The following NPAS3 variants were observed in gnomAD, a reference collection of about 807,000 sequenced individuals.
NPAS3 encodes neuronal PAS domain-containing protein 3.
NPAS3 carries 14 observed loss-of-function variants against 73.1 expected under a neutral mutation model. That is an observed-to-expected ratio of 0.19 (90% CI 0.13 to 0.30). The LOEUF (loss-of-function observed/expected upper bound fraction) is 0.30. Among genes scored for constraint, NPAS3 ranks in the 10% least tolerant of loss-of-function variants. The pLI is 1.00. For missense variants in NPAS3, 1,096 were observed against 1,250.0 expected, an observed-to-expected ratio of 0.88 and a Z score of 1.86; for synonymous variants, 620 against 541.5, an observed-to-expected ratio of 1.14 and a Z score of -2.01.
chr14:33,331,353 G>T (rs2043976192), intron 3 of NPAS3, among the ~76,000 whole-genome samples: 1 of 152,042 alleles, frequency 6.6e-6, no homozygotes, highest in African/African-American at 2.4e-5. Flanking sequence ...AGAATTTTTT[G>T]TGTGGAAGAT....
intron 5 of NPAS3, among the ~76,000 whole-genome samples, chr14:33,615,153 T>A: frequency 6.6e-6 from 1 of 151,996 alleles, no homozygotes. Context: ...GCCCGCGGAT[T>A]AGGTTTGAGT....
At chr14:33,260,078 C>T (rs945414670) in intron 3 of NPAS3, among the ~76,000 whole-genome samples, 1 of 152,096 alleles carries the variant, frequency 6.6e-6, no homozygotes, top group Non-Finnish European at 1.5e-5. Context: ...AACTTCATAG[C>T]GTGACCATCT....
intron 6 of NPAS3, among the ~76,000 whole-genome samples, chr14:33,684,246 G>GTCTC (rs1044225122): frequency 1.3e-5 from 2 of 149,224 alleles, no homozygotes; most frequent in African/African-American, 2.5e-5. Context: ...TTTTAACATA[G>GTCTC]TCTCTTACTT....
At chr14:33,672,463 C>T (rs1246110267) in intron 5 of NPAS3, among the ~76,000 whole-genome samples, 1 of 152,012 alleles carries the variant, frequency 6.6e-6, no homozygotes, top group African/African-American at 2.4e-5. Flanking sequence ...TAGACTAGTC[C>T]TAGCTCTCAG....
intron 5 of NPAS3, among the ~76,000 whole-genome samples, chr14:33,604,118 C>A (rs1281131108): frequency 6.6e-6 from 1 of 151,622 alleles, no homozygotes; most frequent in African/African-American, 2.4e-5. Flanking sequence ...AGAGAAGTAA[C>A]CAATAGAAAA....
intron 3 of NPAS3, among the ~76,000 whole-genome samples, chr14:33,328,080 G>A (rs1055337385): frequency 4.6e-5 from 7 of 152,122 alleles, no homozygotes; most frequent in African/African-American, 1.7e-4. Context: ...CATGATGGAT[G>A]TATTTGAAAA....
intron 6 of NPAS3, among the ~76,000 whole-genome samples, chr14:33,728,292 T>A (rs2061322309): frequency 6.6e-6 from 1 of 152,138 alleles, no homozygotes. Context: ...CAGACTATTA[T>A]TTTCATATTT....
intron 2 of NPAS3, among the ~76,000 whole-genome samples, chr14:33,203,670 G>A (rs921511899): frequency 6.6e-6 from 1 of 152,144 alleles, no homozygotes; most frequent in African/African-American, 2.4e-5. Context: ...TTTTATGGCT[G>A]CACAGTATTC....
At chr14:33,146,393 G>A (rs2044237767) in intron 2 of NPAS3, among the ~76,000 whole-genome samples, 1 of 152,162 alleles carries the variant, frequency 6.6e-6, no homozygotes, top group Non-Finnish European at 1.5e-5. Flanking sequence ...CCCATCTTGA[G>A]GAAACTCTTG....
intron 3 of NPAS3, among the ~76,000 whole-genome samples, chr14:33,261,758 T>C (rs1262888374): frequency 6.6e-6 from 1 of 152,092 alleles, no homozygotes; most frequent in African/African-American, 2.4e-5. Context: ...AGAAGTTAGG[T>C]AGTTTTATTT....
At chr14:33,405,385 T>C (rs549307650) in intron 4 of NPAS3, among the ~76,000 whole-genome samples, 55 of 152,190 alleles carry the variant, frequency 3.6e-4, no homozygotes, top group African/African-American at 1.3e-3. Flanking sequence ...TCCTTTCACC[T>C]CAGAAGTAAT....
At chr14:33,185,961 T>C (rs1001826510) in intron 2 of NPAS3, among the ~76,000 whole-genome samples, 22 of 152,286 alleles carry the variant, frequency 1.4e-4, no homozygotes, top group African/African-American at 5.3e-4. Context: ...GTTTATCATA[T>C]ACCACAAGGG....
intron 5 of NPAS3, among the ~76,000 whole-genome samples, chr14:33,580,353 G>A (rs574945975): frequency 6.6e-6 from 1 of 152,272 alleles, no homozygotes; most frequent in South Asian, 2.1e-4. Context: ...AAAAATCATT[G>A]TTTGCTATGA....
chr14:33,474,819 T>A (rs775825686), intron 4 of NPAS3, among the ~76,000 whole-genome samples: 1 of 152,162 alleles, frequency 6.6e-6, no homozygotes, highest in Non-Finnish European at 1.5e-5. Flanking sequence ...AATAATAAAA[T>A]AAAAATAAAT....
chr14:33,616,652 C>T (rs970980958), intron 5 of NPAS3, among the ~76,000 whole-genome samples: 5 of 152,138 alleles, frequency 3.3e-5, no homozygotes, highest in African/African-American at 9.7e-5. Context: ...ACTCTCAGCG[C>T]AGAGGGGCTG....
intron 5 of NPAS3, among the ~76,000 whole-genome samples, chr14:33,614,753 A>T (rs1164278162): frequency 6.6e-6 from 1 of 152,208 alleles, no homozygotes; most frequent in Non-Finnish European, 1.5e-5. Context: ...GAAGGAACAG[A>T]GGCTTTTCAA....
intron 2 of NPAS3, among the ~76,000 whole-genome samples, chr14:33,084,120 A>G (rs2041947811): frequency 6.6e-6 from 1 of 152,220 alleles, no homozygotes; most frequent in Non-Finnish European, 1.5e-5. Context: ...ACATCACCCA[A>G]AATAAAAATA....
chr14:33,474,683 G>A (rs1189616629), intron 4 of NPAS3, among the ~76,000 whole-genome samples: 1 of 152,090 alleles, frequency 6.6e-6, no homozygotes, highest in Non-Finnish European at 1.5e-5. Flanking sequence ...AAAGAGAAGG[G>A]TATAAATTTG....
intron 1 of NPAS3, among the ~76,000 whole-genome samples, chr14:32,942,500 A>G (rs1315766950): frequency 6.6e-6 from 1 of 152,256 alleles, no homozygotes; most frequent in East Asian, 1.9e-4. Context: ...AACCTTGTGT[A>G]CATAAACTTG....
Sources: gnomAD v4.1 joint callset for allele counts (sites outside exome capture counted in the v4.1 genomes callset) on GRCh38, gnomAD v4.1.1 for gene constraint, MANE v1.5 for transcripts, NCBI Gene and HGNC (gene_info 2026-07-23, HGNC 2026-07-21) for gene names.